The following FSHR variants were observed in gnomAD, a reference collection of about 807,000 sequenced individuals.
FSHR encodes the protein follicle stimulating hormone receptor.
A neutral mutation model predicts 52.1 loss-of-function variants in FSHR; 46 were observed. The observed-to-expected ratio is 0.88, with a 90% CI of 0.70 to 1.13. The LOEUF (loss-of-function observed/expected upper bound fraction) is 1.13. FSHR is among the 50% of genes most tolerant of loss of function. FSHR has a pLI of 0.00. For synonymous variants in FSHR, 399 were observed against 309.6 expected (o/e 1.29, Z -3.03); for missense variants, 964 against 834.6 (o/e 1.16, Z -1.91).
At chr2:49,098,811 T>C (rs1158465682) in intron 1 of FSHR, among the ~76,000 whole-genome samples, 1 of 146,862 alleles carries the variant, frequency 6.8e-6, no homozygotes, top group African/African-American at 2.5e-5. Flanking sequence ...ATAATATGTA[T>C]ACTTATATAT....
At chr2:49,012,969 G>A (rs1667325980) in intron 4 of FSHR, among the ~76,000 whole-genome samples, 1 of 152,040 alleles carries the variant, frequency 6.6e-6, no homozygotes, top group Non-Finnish European at 1.5e-5. Flanking sequence ...AGGTAATTAA[G>A]GTTAAATGAG....
At chr2:49,001,924 C>T (rs1012064755) in intron 4 of FSHR, among the ~76,000 whole-genome samples, 2 of 152,078 alleles carry the variant, frequency 1.3e-5, no homozygotes, top group Non-Finnish European at 2.9e-5. Flanking sequence ...ATGCATACCT[C>T]ACTGTTTTAG....
At chr2:49,049,104 C>T (rs1668764668) in intron 2 of FSHR, among the ~76,000 whole-genome samples, 1 of 151,390 alleles carries the variant, frequency 6.6e-6, no homozygotes, top group African/African-American at 2.4e-5. Flanking sequence ...AGCAGAGCCA[C>T]AAGGATATTT....
At chr2:49,152,490 C>T (rs951862943) in intron 1 of FSHR, among the ~76,000 whole-genome samples, 2 of 151,838 alleles carry the variant, frequency 1.3e-5, no homozygotes, top group Non-Finnish European at 2.9e-5. Flanking sequence ...TCTTTTCTTT[C>T]CTCTTTCTTT....
intron 1 of FSHR, among the ~76,000 whole-genome samples, chr2:49,138,603 A>C (rs1199632516): frequency 1.3e-5 from 2 of 149,888 alleles, no homozygotes; most frequent in African/African-American, 4.9e-5. Context: ...CAGTAACAAA[A>C]GACTTCATAT....
At chr2:49,065,091 A>G (rs74683088) in intron 2 of FSHR, among the ~76,000 whole-genome samples, 2,024 of 152,246 alleles carry the variant, frequency 0.013, 56 homozygotes, top group African/African-American at 0.047. Flanking sequence ...ATGCAATATG[A>G]TGTCTGGTAA....
At chr2:49,144,965 A>T (rs2103847087) in intron 1 of FSHR, among the ~76,000 whole-genome samples, 1 of 152,262 alleles carries the variant, frequency 6.6e-6, no homozygotes, top group East Asian at 1.9e-4. Context: ...GCCAAAGCAA[A>T]ATGTCTTAAG....
rs752385959 is a variant in FSHR, at chr2:48,963,338, T to G, written c.1483A>C (p.Ile495Leu). Residue 495 changes from isoleucine (I) to leucine (L), a missense_variant, in exon 10 of 10, where the codon ATT becomes CTT. By Grantham distance (5) the Ile-to-Leu change is conservative. Coordinates refer to ENST00000406846, the MANE Select transcript of FSHR (RefSeq NM_000145.4). The part of the protein sequence containing the change: ...HAASVMVMGW[I>L]FAFAAALFPI... Reference sequence around the variant, plus strand: ...AAGAGGGCAGCTGCAAAAGCAAAAATCCAGCCCATCACCATGACACTGGCA... The same window carrying G: ...AAGAGGGCAGCTGCAAAAGCAAAAAGCCAGCCCATCACCATGACACTGGCA... 6.2e-7 allele frequency: 1 copy of G among 1,613,932 alleles called. No homozygotes were observed. Among genetic ancestry groups the G allele is most frequent in the Non-Finnish European group, 8.5e-7 (1 of 1,179,958 alleles).
At chr2:48,977,042 G>C (rs926702442) in intron 8 of FSHR, among the ~76,000 whole-genome samples, 3 of 151,904 alleles carry the variant, frequency 2.0e-5, no homozygotes, top group African/African-American at 7.3e-5. Context: ...CATGGCACGT[G>C]TACACCTATG....
chr2:49,007,905 G>A (rs1231664166), intron 4 of FSHR, among the ~76,000 whole-genome samples: 1 of 151,956 alleles, frequency 6.6e-6, no homozygotes, highest in Non-Finnish European at 1.5e-5. Context: ...AGAGGAGAGA[G>A]CTGAGGTACA....
chr2:49,035,993 A>G (rs1668258686), intron 2 of FSHR, among the ~76,000 whole-genome samples: 1 of 152,218 alleles, frequency 6.6e-6, no homozygotes, highest in Admixed American at 6.5e-5. Flanking sequence ...AAGTTCAGCA[A>G]CACTTCTCTT....
At position 49,097,779 on chromosome 2, in the gene FSHR, A is replaced by G. The variant is rs561903645; in HGVS notation, c.153-29489T>C. Among the ~76,000 whole-genome samples the G allele has an allele frequency of 7.9e-5, 12 of 152,300 alleles. No individual in the cohort carries two copies. The South Asian group carries it at 1.5e-3, about 18-fold the overall frequency. ...AGGAAACTAGAAAAGTAAGTTTTAA[A>G]CTTAATTTTAAATTTTAATTGATAA... On this transcript the variant is annotated intron_variant, in intron 1 of 9. Transcript: ENST00000406846.
intron 4 of FSHR, among the ~76,000 whole-genome samples, chr2:49,017,012 C>G (rs975509716): frequency 2.0e-5 from 3 of 152,130 alleles, no homozygotes; most frequent in Non-Finnish European, 4.4e-5. Context: ...AAGAATGCAG[C>G]TGAAACACTA....
intron 1 of FSHR, among the ~76,000 whole-genome samples, chr2:49,113,362 T>G (rs1206891655): frequency 2.6e-5 from 4 of 152,198 alleles, no homozygotes; most frequent in Admixed American, 2.0e-4. Flanking sequence ...CTAAAAAAGC[T>G]AAATTCTAAG....
At position 49,088,983 on chromosome 2, in the gene FSHR, G is replaced by A. The variant is rs140729395; in HGVS notation, c.153-20693C>T. 1.8e-3 allele frequency among the ~76,000 whole-genome samples: 274 copies of A among 152,090 alleles called. 1 individual carries two copies. Among genetic ancestry groups the A allele is most frequent in the African/African-American group, 6.2e-3 (258 of 41,468 alleles). On this transcript the variant is annotated intron_variant, in intron 1 of 9. Transcript: ENST00000406846. ...ACTGTGTAAAATGCAAATGTCGAAC[G>A]TTCAAATGAACTGTTAGAAATAAGA...
chr2:49,146,395 G>A (rs1464775339), intron 1 of FSHR, among the ~76,000 whole-genome samples: 3 of 152,072 alleles, frequency 2.0e-5, no homozygotes, highest in African/African-American at 7.2e-5. Context: ...ATTCAGGAGG[G>A]ATGCAGTGCT....
chr2:49,045,643 G>A (rs1668629402), intron 2 of FSHR, among the ~76,000 whole-genome samples: 1 of 152,136 alleles, frequency 6.6e-6, no homozygotes, highest in South Asian at 2.1e-4. Context: ...GACAGCTTGG[G>A]TCAATTTTTA....
chr2:49,042,415 A>T lies in FSHR; in HGVS notation c.225-22255T>A, dbSNP rs151023519. 5.8e-4 allele frequency among the ~76,000 whole-genome samples: 88 copies of T among 152,312 alleles called. No homozygotes were observed. In the East Asian group the frequency reaches 0.013, roughly 22 times the overall value. ...CAAGAGCAGAGAAACACAACATCCTAAAAACAGGATCATCAGGGCAATGGG... is the reference window on the plus strand; with the variant it reads ...CAAGAGCAGAGAAACACAACATCCTTAAAACAGGATCATCAGGGCAATGGG... On this transcript the variant is annotated intron_variant, in intron 2 of 9. Coordinates refer to ENST00000406846, the MANE Select transcript of FSHR (RefSeq NM_000145.4).
intron 2 of FSHR, among the ~76,000 whole-genome samples, chr2:49,059,425 A>AC (rs1430934391): frequency 2.6e-5 from 4 of 152,018 alleles, no homozygotes; most frequent in Middle Eastern, 6.8e-3. Context: ...GAAAAAAAAA[A>AC]CAGACAAATA....
Sources: gnomAD v4.1 joint callset for allele counts (sites outside exome capture counted in the v4.1 genomes callset) on GRCh38, gnomAD v4.1.1 for gene constraint, MANE v1.5 for transcripts, NCBI Gene and HGNC (gene_info 2026-07-23, HGNC 2026-07-21) for gene names.